PDSS2: variants seen among roughly 807,000 people sequenced by gnomAD.
The protein encoded by PDSS2 is all trans-polyprenyl-diphosphate synthase PDSS2.
In PDSS2, 31 loss-of-function variants were observed where a neutral mutation model predicts 44.5. The observed-to-expected ratio is 0.70, with a 90% CI of 0.52 to 0.94. The LOEUF is 0.94. Among genes scored for constraint, PDSS2 ranks in the 40% least tolerant of loss-of-function variants. The pLI is 0.00. For missense variants in PDSS2, 452 were observed against 482.2 expected, an observed-to-expected ratio of 0.94 and a Z score of 0.59; for synonymous variants, 157 against 180.3, an observed-to-expected ratio of 0.87 and a Z score of 1.03.
intron 1 of PDSS2, among the ~76,000 whole-genome samples, chr6:107,429,213 C>G (rs1350386061): frequency 1.3e-5 from 2 of 152,144 alleles, no homozygotes; most frequent in Non-Finnish European, 2.9e-5. Context: ...AATGCAGATG[C>G]CTTATTTCCT....
chr6:107,256,559 T>C (rs1582854942), intron 3 of PDSS2, among the ~76,000 whole-genome samples: 2 of 152,268 alleles, frequency 1.3e-5, no homozygotes, highest in East Asian at 3.9e-4. Flanking sequence ...AAAATCATGA[T>C]TCGTGTGCCT....
rs1165568584 is a variant in PDSS2 at position 107,225,159 on chromosome 6, ATATTTTTTTTTTTT to A, written c.703-12891_703-12878del. 9.0e-4 allele frequency among the ~76,000 whole-genome samples: 42 copies of A among 46,592 alleles called. 2 individuals carry two copies. Among genetic ancestry groups the A allele is most frequent in the Non-Finnish European group, 1.3e-3 (38 of 30,142 alleles). The allele number at this position is 46,592 out of a possible 152,430, so 30.6% of individuals were successfully genotyped here. A position where few individuals can be genotyped will look rare whatever the true frequency, so the allele number is the denominator to read the frequency against. On this transcript the variant is annotated intron_variant, in intron 4 of 7. Coordinates refer to ENST00000369037, the MANE Select transcript of PDSS2 (RefSeq NM_020381.4). Reference sequence around the variant, plus strand: ...TTTTTATATATATATATATATATATATATTTTTTTTTTTTTTTTTTTTTTTTTTTTGAGACAGAG... The same window carrying A: ...TTTTTATATATATATATATATATATATTTTTTTTTTTTTTTTGAGACAGAG...
chr6:107,213,566 C>A (rs189798705), intron 4 of PDSS2, among the ~76,000 whole-genome samples: 54 of 152,124 alleles, frequency 3.5e-4, no homozygotes, highest in African/African-American at 1.1e-3. Flanking sequence ...CAAGACTAGC[C>A]TAGCTAACAT....
At chr6:107,302,779 T>G (rs997476220) in intron 2 of PDSS2, among the ~76,000 whole-genome samples, 1 of 151,782 alleles carries the variant, frequency 6.6e-6, no homozygotes, top group African/African-American at 2.4e-5. Context: ...GTCAACTGCA[T>G]GTAGCTACTA....
At chr6:107,269,421 G>C (rs950042861) in intron 3 of PDSS2, among the ~76,000 whole-genome samples, 1 of 150,316 alleles carries the variant, frequency 6.7e-6, no homozygotes, top group Non-Finnish European at 1.5e-5. Flanking sequence ...TTCCTGCAAG[G>C]TGAGACATTT....
intron 3 of PDSS2, among the ~76,000 whole-genome samples, chr6:107,273,141 C>T (rs150080645): frequency 3.7e-3 from 566 of 151,994 alleles, no homozygotes; most frequent in African/African-American, 0.013. Context: ...CGCGCCACCA[C>T]GCCCAGTTAA....
At chr6:107,403,100 G>C (rs1186363785) in intron 1 of PDSS2, among the ~76,000 whole-genome samples, 2 of 152,314 alleles carry the variant, frequency 1.3e-5, no homozygotes, top group East Asian at 3.9e-4. Flanking sequence ...AAAGTCAAAA[G>C]CAAGTTGGTT....
chr6:107,452,414 T>C (rs1247118810), intron 1 of PDSS2, among the ~76,000 whole-genome samples: 2 of 151,934 alleles, frequency 1.3e-5, no homozygotes, highest in Admixed American at 1.3e-4. Context: ...GTATTTTTAG[T>C]AGAGACAGGG....
intron 2 of PDSS2, among the ~76,000 whole-genome samples, chr6:107,287,988 C>T (rs1353370090): frequency 6.6e-6 from 1 of 152,176 alleles, no homozygotes; most frequent in South Asian, 2.1e-4. Context: ...GAGTGAGATC[C>T]TGTCCTCTAA....
chr6:107,424,427 C>T (rs1285246751), intron 1 of PDSS2, among the ~76,000 whole-genome samples: 1 of 152,106 alleles, frequency 6.6e-6, no homozygotes, highest in African/African-American at 2.4e-5. Context: ...CTCAACATAT[C>T]CCTTATTGTG....
intron 2 of PDSS2, among the ~76,000 whole-genome samples, chr6:107,289,851 G>A (rs1776285150): frequency 6.6e-6 from 1 of 152,172 alleles, no homozygotes; most frequent in Non-Finnish European, 1.5e-5. Context: ...AAGCTCATTA[G>A]GGAAAGTCAC....
intron 3 of PDSS2, among the ~76,000 whole-genome samples, chr6:107,263,077 A>C (rs971874286): frequency 6.6e-6 from 1 of 152,232 alleles, no homozygotes; most frequent in Non-Finnish European, 1.5e-5. Context: ...ATAATTTAAC[A>C]AATATTTCTT....
intron 6 of PDSS2, among the ~76,000 whole-genome samples, chr6:107,205,481 A>C (rs888749376): frequency 6.6e-5 from 10 of 152,240 alleles, no homozygotes; most frequent in African/African-American, 2.4e-4. Context: ...ATTAGGAATC[A>C]AAATGATAAC....
At position 107,402,554 on chromosome 6, in the gene PDSS2, A is replaced by ATATATAT. The variant is rs1337717601; in HGVS notation, c.296+56435_296+56436insATATATA. On this transcript the variant is annotated intron_variant, in intron 1 of 7. Coordinates refer to ENST00000369037, the MANE Select transcript of PDSS2 (RefSeq NM_020381.4). ...CATTTTATATATATATATATATATA[A>ATATATAT]AAATATATATACATGTGTATATATA... Among the ~76,000 whole-genome samples the ATATATAT allele has an allele frequency of 4.1e-3, 255 of 61,780 alleles. 1 individual carries two copies. The highest frequency in any genetic ancestry group is 7.1e-3 in the Non-Finnish European group (165 of 23,146). 40.5% of individuals were successfully genotyped at this position (61,780 alleles called of 152,430 possible).
At chr6:107,272,360 C>T (rs891456890) in intron 3 of PDSS2, among the ~76,000 whole-genome samples, 1 of 152,166 alleles carries the variant, frequency 6.6e-6, no homozygotes, top group Non-Finnish European at 1.5e-5. Flanking sequence ...GTACACTGAT[C>T]CAACCTTCAA....
chr6:107,448,454 T>G (rs1781759899), intron 1 of PDSS2, among the ~76,000 whole-genome samples: 1 of 152,186 alleles, frequency 6.6e-6, no homozygotes, highest in Non-Finnish European at 1.5e-5. Context: ...CCAATCTCTT[T>G]GCTAAAGCAT....
At chr6:107,392,427 T>C (rs2114534921) in intron 1 of PDSS2, among the ~76,000 whole-genome samples, 1 of 152,336 alleles carries the variant, frequency 6.6e-6, no homozygotes, top group Non-Finnish European at 1.5e-5. Flanking sequence ...TACAACAAGT[T>C]GCATATTTTT....
chr6:107,273,857 C>T (rs1008792015), intron 3 of PDSS2, among the ~76,000 whole-genome samples, 172 bp downstream of exon 3: 1 of 152,122 alleles, frequency 6.6e-6, no homozygotes. Context: ...CTAGCATTTA[C>T]ACTTTGCCTG....
At chr6:107,419,085 G>C (rs1780749563) in intron 1 of PDSS2, among the ~76,000 whole-genome samples, 1 of 151,112 alleles carries the variant, frequency 6.6e-6, no homozygotes, top group South Asian at 2.1e-4. Flanking sequence ...CCTGTCCCCA[G>C]AGATTTTGAT....
Sources: allele counts gnomAD v4.1 joint callset (sites outside exome capture counted in the v4.1 genomes callset), GRCh38; gene constraint gnomAD v4.1.1; transcripts MANE v1.5; gene names NCBI Gene and HGNC (gene_info 2026-07-23, HGNC 2026-07-21).